Variants in TDP2 observed in about 807,000 individuals in gnomAD.
The protein encoded by TDP2 is 5'-Tyr-DNA phosphodiesterase.
Under a neutral mutation model 42.8 loss-of-function variants are expected in TDP2, and 38 were observed. The ratio of observed to expected loss-of-function variants is 0.89; its 90% CI spans 0.68 to 1.16. The LOEUF is 1.16. Ranked by LOEUF, TDP2 falls within the 50% of genes most tolerant of loss-of-function variation. The pLI is 0.00. For missense variants in TDP2, 439 were observed against 439.3 expected, an observed-to-expected ratio of 1.00 and a Z score of 0.01; for synonymous variants, 173 against 150.6, an observed-to-expected ratio of 1.15 and a Z score of -1.09.
chr6:24,653,338 G>A lies in TDP2; in HGVS notation c.637-185C>T, dbSNP rs17243374. Among the ~76,000 whole-genome samples the A allele has an allele frequency of 8.6e-3, 1,311 of 152,272 alleles. 13 individuals carry two copies. The highest frequency in any genetic ancestry group is 0.015 in the Admixed American group (222 of 15,298). On this transcript the variant is annotated intron_variant, in intron 5 of 6. Transcript: ENST00000378198. ...AAGCAGTAACCCTGTCCCCAAAGAC[G>A]ACGGTTTAGCAAGCACGACCTACCC...
chr6:24,650,748 T>C lies in TDP2; in HGVS notation c.*40A>G. On this transcript the variant is annotated 3_prime_UTR_variant, in exon 7 of 7. Coordinates refer to ENST00000378198, the MANE Select transcript of TDP2 (RefSeq NM_016614.3). Reference sequence around the variant, plus strand: ...ACCTTTCCAGAAGGTGGAAATTGTATTTGCAACAATCAGGGCAAAACCCAC... The same window carrying C: ...ACCTTTCCAGAAGGTGGAAATTGTACTTGCAACAATCAGGGCAAAACCCAC... 1 of 1,592,790 alleles carries C rather than the reference T, an allele frequency of 6.3e-7. No individual in the cohort carries two copies. Among genetic ancestry groups the C allele is most frequent in the Middle Eastern group, 1.7e-4 (1 of 5,966 alleles).
At chr6:24,665,587 T>C (rs898781960) in intron 2 of TDP2, among the ~76,000 whole-genome samples, 3 of 152,228 alleles carry the variant, frequency 2.0e-5, no homozygotes, top group Admixed American at 1.3e-4. Flanking sequence ...ATTCAGTAAA[T>C]ATTTATTGGG....
At chr6:24,659,428 C>T (rs1039768476) in intron 2 of TDP2, among the ~76,000 whole-genome samples, 2 of 152,180 alleles carry the variant, frequency 1.3e-5, no homozygotes, top group Middle Eastern at 3.2e-3. Context: ...GTCATGGGTG[C>T]GTCCTTAACC....
intron 2 of TDP2, among the ~76,000 whole-genome samples, chr6:24,660,067 T>G (rs774391327): frequency 2.6e-5 from 4 of 152,238 alleles, no homozygotes; most frequent in Non-Finnish European, 5.9e-5. Flanking sequence ...TTCATGAATT[T>G]TAAAAATAGG....
chr6:24,666,449 A>C (rs1485224326), intron 2 of TDP2, 77 bp downstream of exon 2: 2 of 1,509,380 alleles, frequency 1.3e-6, no homozygotes, highest in South Asian at 1.1e-5. Flanking sequence ...GCTCCACGGC[A>C]GGTCCCAGGA....
chr6:24,651,963 A>T (rs1159166891), intron 6 of TDP2, among the ~76,000 whole-genome samples: 4 of 149,016 alleles, frequency 2.7e-5, no homozygotes, highest in Admixed American at 1.3e-4. Flanking sequence ...ACTACCATCC[A>T]TCTCCAGAAC....
chr6:24,666,000 G>C, intron 2 of TDP2: 2 of 1,361,934 alleles, frequency 1.5e-6, no homozygotes, highest in South Asian at 1.8e-5. Context: ...CTAAGTTATG[G>C]AGCCAAATAG....
chr6:24,658,930 T>C (rs930120498), intron 2 of TDP2, 196 bp from the exon 3 acceptor site: 3 of 584,530 alleles, frequency 5.1e-6, no homozygotes, highest in African/African-American at 3.8e-5. Flanking sequence ...CGCTGCACTT[T>C]GGCCCACTTC....
chr6:24,661,178 T>A (rs980913255), intron 2 of TDP2, among the ~76,000 whole-genome samples: 1 of 152,272 alleles, frequency 6.6e-6, no homozygotes, highest in Non-Finnish European at 1.5e-5. Context: ...TAATTATCAA[T>A]ACGGCAGTTC....
chr6:24,651,290 T>C (rs1777970924), intron 6 of TDP2, among the ~76,000 whole-genome samples: 1 of 152,234 alleles, frequency 6.6e-6, no homozygotes, highest in South Asian at 2.1e-4. Context: ...CCTTCTCTTC[T>C]GCCATAAATA....
chr6:24,651,171 T>C (rs1777969449), intron 6 of TDP2, 102 bp from the exon 7 acceptor site: 2 of 907,524 alleles, frequency 2.2e-6, no homozygotes, highest in Non-Finnish European at 3.3e-6. Context: ...TGCAAGAAAT[T>C]ATTAATGCAG....
At position 24,650,503 on chromosome 6, in the gene TDP2, T is replaced by G. The variant is rs1047782; in HGVS notation, c.*285A>C. 0.72 allele frequency: 277,232 copies of G among 382,790 alleles called. 101,714 individuals carry two copies. Among genetic ancestry groups the G allele is most frequent in the East Asian group, 0.88 (17,378 of 19,734 alleles). 23.7% of individuals were successfully genotyped at this position (382,790 alleles called of 1,614,324 possible). On this transcript the variant is annotated 3_prime_UTR_variant, in exon 7 of 7. Coordinates refer to ENST00000378198, the MANE Select transcript of TDP2 (RefSeq NM_016614.3). ...TATAAACATTAGCTCAGAGACAATG[T>G]GGTACCTGTTTGGAATCCAGCTGGC...
At chr6:24,660,582 A>T (rs374721307) in intron 2 of TDP2, among the ~76,000 whole-genome samples, 1 of 152,256 alleles carries the variant, frequency 6.6e-6, no homozygotes, top group African/African-American at 2.4e-5. Context: ...TATGTGGTGC[A>T]TAACAGTATA....
At chr6:24,665,431 A>C (rs1778214745) in intron 2 of TDP2, among the ~76,000 whole-genome samples, 1 of 152,252 alleles carries the variant, frequency 6.6e-6, no homozygotes, top group Non-Finnish European at 1.5e-5. Flanking sequence ...TTCCCCAACA[A>C]GAGGCAAGAC....
intron 3 of TDP2, among the ~76,000 whole-genome samples, chr6:24,658,143 T>A (rs771116075): frequency 6.6e-6 from 1 of 152,232 alleles, no homozygotes; most frequent in African/African-American, 2.4e-5. Flanking sequence ...AACCGCCATA[T>A]TGAGAGACTT....
In TDP2 at chr6:24,658,732, A is replaced by G. The variant is rs1355309536; in HGVS notation, c.254T>C (p.Val85Ala). 2 of 1,612,164 alleles carry G rather than the reference A, an allele frequency of 1.2e-6. No homozygotes were observed. The highest frequency in any genetic ancestry group is 1.3e-5 in the African/African-American group (1 of 74,944). The change falls in exon 3 of 7, where the codon GTT becomes GCT. Residue 85 changes from valine (V) to alanine (A), a missense_variant and splice_region_variant. Coordinates refer to ENST00000378198, the MANE Select transcript of TDP2 (RefSeq NM_016614.3). ...AGTTGTTTCTTCATTGGTTAGGTCA[A>G]CACTGGCAAGATCAGAATAAAACAT... is the stretch of plus-strand genomic sequence containing the variant. ...PETISEPKTY[V>A]DLTNEETTDS... is the part of the protein sequence containing the mutation.
At chr6:24,658,816 T>G in intron 2 of TDP2, 82 bp from the exon 3 acceptor site, 2 of 1,428,124 alleles carry the variant, frequency 1.4e-6, no homozygotes, top group Non-Finnish European at 1.9e-6. Context: ...AGCCCTCATT[T>G]TACAGACAAA....
Position 24,666,544 on chromosome 6 carries a change from A to G in TDP2, c.233T>C (p.Ile78Thr). The G allele has an allele frequency of 6.2e-7, 1 of 1,614,050 alleles. No homozygotes were observed. Among genetic ancestry groups the G allele is most frequent in the Non-Finnish European group, 8.5e-7 (1 of 1,179,932 alleles). Residue 78 changes from isoleucine (I) to threonine (T), a missense_variant, in exon 2 of 7, where the codon ATC becomes ACC. Transcript: ENST00000378198. ...CACTTACTAGGTCTTGGGCTCAGAG[A>G]TGGTTTCAGGTCGGCGTTCCAAGGC... ...ESALERRPET[I>T]SEPKTYVDLT...
intron 2 of TDP2, among the ~76,000 whole-genome samples, chr6:24,662,228 G>A (rs923778962): frequency 2.0e-5 from 3 of 151,862 alleles, no homozygotes; most frequent in Non-Finnish European, 4.4e-5. Context: ...CCCCCAGCCC[G>A]ACACCCAAAA....
Sources: gnomAD v4.1 joint callset for allele counts (sites outside exome capture counted in the v4.1 genomes callset) on GRCh38, gnomAD v4.1.1 for gene constraint, MANE v1.5 for transcripts, NCBI Gene and HGNC (gene_info 2026-07-23, HGNC 2026-07-21) for gene names.